The following FAM151B variants were observed in gnomAD, a reference collection of about 807,000 sequenced individuals.
The protein encoded by FAM151B is protein FAM151B.
FAM151B carries 24 observed loss-of-function variants against 31.2 expected under a neutral mutation model. The ratio of observed to expected loss-of-function variants is 0.77; its 90% CI spans 0.56 to 1.08. The LOEUF (loss-of-function observed/expected upper bound fraction) is 1.08. Among genes scored for constraint, FAM151B ranks in the 50% least tolerant of loss-of-function variants. The pLI is 0.00. For missense variants in FAM151B, 293 were observed against 328.6 expected (o/e 0.89, Z 0.84); for synonymous variants, 105 against 111.4 (o/e 0.94, Z 0.36).
At chr5:80,489,017 TAG>T (rs1254234348) in intron 1 of FAM151B, among the ~76,000 whole-genome samples, 1 of 152,134 alleles carries the variant, frequency 6.6e-6, no homozygotes, top group East Asian at 1.9e-4. Context: ...CTCTTAAAAA[TAG>T]AGTTAAGGTC....
intron 5 of FAM151B, among the ~76,000 whole-genome samples, chr5:80,529,954 A>G (rs1273964316): frequency 6.6e-6 from 1 of 152,226 alleles, no homozygotes; most frequent in African/African-American, 2.4e-5. Flanking sequence ...TCAGACCAAT[A>G]TCCGTGATGA....
chr5:80,507,327 A>G (rs1744006025), intron 2 of FAM151B, among the ~76,000 whole-genome samples: 1 of 152,168 alleles, frequency 6.6e-6, no homozygotes, highest in African/African-American at 2.4e-5. Context: ...ACCTAGCTTT[A>G]GAGGTAATAC....
At chr5:80,500,979 A>G in intron 1 of FAM151B, 1 of 658,250 alleles carries the variant, frequency 1.5e-6, no homozygotes, top group Non-Finnish European at 2.7e-6. Flanking sequence ...CTTCGCCATG[A>G]GGCGGAATGA....
intron 3 of FAM151B, among the ~76,000 whole-genome samples, chr5:80,515,059 G>A (rs1744362826): frequency 6.6e-6 from 1 of 152,038 alleles, no homozygotes; most frequent in Non-Finnish European, 1.5e-5. Flanking sequence ...GGCCAACATG[G>A]TGAAACCCCT....
intron 4 of FAM151B, 59 bp downstream of exon 4, chr5:80,519,969 T>C: frequency 2.0e-6 from 3 of 1,477,462 alleles, no homozygotes; most frequent in South Asian, 1.2e-5. Context: ...GGTATAAAAA[T>C]AACATCTTTA....
intron 3 of FAM151B, among the ~76,000 whole-genome samples, chr5:80,517,040 A>G (rs539127628): frequency 6.6e-6 from 1 of 152,292 alleles, no homozygotes; most frequent in South Asian, 2.1e-4. Flanking sequence ...CAGCGTATCC[A>G]CACCATATAT....
chr5:80,538,849 C>T (rs558679570), intron 5 of FAM151B, among the ~76,000 whole-genome samples: 97 of 152,122 alleles, frequency 6.4e-4, no homozygotes, highest in Non-Finnish European at 1.1e-3. Context: ...TCCACCGCCT[C>T]GGCCTCCCAA....
chr5:80,531,107 G>T (rs1328279904), intron 5 of FAM151B, among the ~76,000 whole-genome samples: 1 of 152,126 alleles, frequency 6.6e-6, no homozygotes, highest in Non-Finnish European at 1.5e-5. Flanking sequence ...TCTGATCTTT[G>T]ACAAACCTGA....
At chr5:80,539,522 T>C (rs2112684825) in intron 5 of FAM151B, among the ~76,000 whole-genome samples, 1 of 152,306 alleles carries the variant, frequency 6.6e-6, no homozygotes, top group South Asian at 2.1e-4. Flanking sequence ...GATGGAGTCT[T>C]ACTCTGTAGC....
chr5:80,504,190 A>G (rs1486242349), intron 2 of FAM151B, among the ~76,000 whole-genome samples: 3 of 152,234 alleles, frequency 2.0e-5, no homozygotes, highest in African/African-American at 7.2e-5. Context: ...AAATGGCACC[A>G]CAATCTACTT....
chr5:80,499,201 C>T (rs1743653968), intron 1 of FAM151B, among the ~76,000 whole-genome samples: 1 of 151,994 alleles, frequency 6.6e-6, no homozygotes, highest in East Asian at 1.9e-4. Flanking sequence ...TCAGCATTTT[C>T]TTCTTTTATG....
intron 5 of FAM151B, among the ~76,000 whole-genome samples, chr5:80,527,428 A>T (rs1210641260): frequency 3.2e-5 from 1 of 30,826 alleles, no homozygotes; most frequent in East Asian, 1.1e-3. Flanking sequence ...GTCTCAATTA[A>T]AAAAAAAAAA....
At chr5:80,529,889 A>G (rs1745148801) in intron 5 of FAM151B, among the ~76,000 whole-genome samples, 1 of 125,968 alleles carries the variant, frequency 7.9e-6, no homozygotes, top group East Asian at 1.9e-4. Context: ...TCATTTTATG[A>G]GGCCGGCATC....
chr5:80,517,838 G>A (rs1182423152), intron 3 of FAM151B, among the ~76,000 whole-genome samples: 1 of 152,056 alleles, frequency 6.6e-6, no homozygotes, highest in Non-Finnish European at 1.5e-5. Flanking sequence ...TTGGGAGGCC[G>A]AGGCAGGTGG....
intron 1 of FAM151B, among the ~76,000 whole-genome samples, chr5:80,489,115 G>A (rs1335472213): frequency 3.3e-5 from 5 of 152,124 alleles, no homozygotes; most frequent in Non-Finnish European, 7.3e-5. Context: ...AATGACTGAA[G>A]TGTTTTATAC....
chr5:80,536,112 G>A (rs1745494408), intron 5 of FAM151B, among the ~76,000 whole-genome samples: 1 of 152,070 alleles, frequency 6.6e-6, no homozygotes, highest in Admixed American at 6.6e-5. Context: ...TGGAGAAAAG[G>A]GAACCCTAGT....
intron 1 of FAM151B, chr5:80,500,260 G>T: frequency 1.7e-6 from 1 of 601,470 alleles, no homozygotes; most frequent in Non-Finnish European, 3.0e-6. Flanking sequence ...CAAAGGAAAT[G>T]GGGAGATGTA....
chr5:80,531,556 C>T (rs1561378956), intron 5 of FAM151B, among the ~76,000 whole-genome samples: 2 of 152,158 alleles, frequency 1.3e-5, no homozygotes, highest in Non-Finnish European at 2.9e-5. Flanking sequence ...AATCAAACAA[C>T]CCCATCAAAA....
At chr5:80,514,711 G>A (rs999190496) in intron 3 of FAM151B, among the ~76,000 whole-genome samples, 6 of 151,968 alleles carry the variant, frequency 3.9e-5, no homozygotes, top group African/African-American at 1.4e-4. Flanking sequence ...TCTAGGATTG[G>A]CAGTAAGCCT....
Sources: gnomAD v4.1 joint callset for allele counts (sites outside exome capture counted in the v4.1 genomes callset) on GRCh38, gnomAD v4.1.1 for gene constraint, MANE v1.5 for transcripts, NCBI Gene and HGNC (gene_info 2026-07-23, HGNC 2026-07-21) for gene names.